SDK2: variants seen among roughly 807,000 people sequenced by gnomAD.
The protein encoded by SDK2 is sidekick cell adhesion molecule 2.
In SDK2, 105 loss-of-function variants were observed where a neutral mutation model predicts 253.9. That is an observed-to-expected ratio of 0.41 (90% CI 0.35 to 0.49). The LOEUF (loss-of-function observed/expected upper bound fraction) is 0.49, where lower values mean the gene tolerates loss of function less well. Ranked by LOEUF, SDK2 falls within the 20% of genes least tolerant of loss-of-function variation. The probability of loss-of-function intolerance (pLI) is 0.06; values close to 1 mark genes in which losing one functional copy is unlikely to be tolerated. For missense variants in SDK2, 2,608 were observed against 3,003.0 expected, an observed-to-expected ratio of 0.87 and a Z score of 3.07; for synonymous variants, 1,249 against 1,234.9, an observed-to-expected ratio of 1.01 and a Z score of -0.24.
At chr17:73,378,244 G>A (rs951696719) in intron 36 of SDK2, among the ~76,000 whole-genome samples, 4 of 151,664 alleles carry the variant, frequency 2.6e-5, no homozygotes, top group East Asian at 1.9e-4. Flanking sequence ...GACTATAGGC[G>A]CATGCCACCA....
rs562196758 is a variant in SDK2, at chr17:73,441,957, G to A, written c.614-1034C>T. On this transcript the variant is annotated intron_variant, in intron 5 of 44. Coordinates refer to ENST00000392650, the MANE Select transcript of SDK2 (RefSeq NM_001144952.2). ...CCGGGCCTCATGAGGGCCAATGAGGGTCCCAAGGAAAAAGAAAAATGTTCT... is the reference window on the plus strand; with the variant it reads ...CCGGGCCTCATGAGGGCCAATGAGGATCCCAAGGAAAAAGAAAAATGTTCT... 3.3e-5 allele frequency among the ~76,000 whole-genome samples: 5 copies of A among 152,288 alleles called. No individual in the cohort carries two copies. In the South Asian group the frequency reaches 8.3e-4, roughly 25 times the overall value.
chr17:73,350,906 C>T, intron 41 of SDK2, 116 bp from the exon 42 acceptor site: 1 of 1,102,978 alleles, frequency 9.1e-7, no homozygotes, highest in Non-Finnish European at 1.3e-6. Context: ...GGGTCTGTAC[C>T]CTCCGAATGA....
At chr17:73,574,661 C>G (rs1177211797) in intron 1 of SDK2, among the ~76,000 whole-genome samples, 1 of 152,202 alleles carries the variant, frequency 6.6e-6, no homozygotes, top group Non-Finnish European at 1.5e-5. Flanking sequence ...CCCTTCGGAA[C>G]CAAGGCAAGC....
intron 1 of SDK2, among the ~76,000 whole-genome samples, chr17:73,606,562 T>C (rs1264847423): frequency 1.3e-5 from 2 of 152,160 alleles, no homozygotes; most frequent in Non-Finnish European, 2.9e-5. Context: ...GGTTTCACCG[T>C]TTCTACTCCA....
chr17:73,337,009 GTGGC>G lies in SDK2; in HGVS notation c.*1574_*1577del, dbSNP rs2062384709. 1 of 152,372 alleles carries G rather than the reference GTGGC, an allele frequency of 6.6e-6. No homozygotes were observed. 9.4% of individuals were successfully genotyped at this position (152,372 alleles called of 1,614,324 possible). On this transcript the variant is annotated 3_prime_UTR_variant, in exon 45 of 45. Transcript: ENST00000392650. ...GACGGGAAGATCCTGGCCACTGGAT[GTGGC>G]TTTTTGCAGAACACTCCTTGGAGCA...
At chr17:73,396,936 A>C (rs572107634) in intron 24 of SDK2, among the ~76,000 whole-genome samples, 2 of 152,348 alleles carry the variant, frequency 1.3e-5, no homozygotes, top group African/African-American at 4.8e-5. Context: ...AGGGAACTGC[A>C]ATCAATAACT....
chr17:73,549,984 T>C (rs9916004), intron 1 of SDK2, among the ~76,000 whole-genome samples: 31,094 of 151,858 alleles, frequency 0.2, 3,966 homozygotes, highest in African/African-American at 0.36. Flanking sequence ...CGGGGGTGCA[T>C]AGAGGCAGAT....
intron 1 of SDK2, among the ~76,000 whole-genome samples, chr17:73,604,230 A>G (rs537569518): frequency 6.6e-5 from 10 of 152,352 alleles, no homozygotes; most frequent in Non-Finnish European, 1.0e-4. Flanking sequence ...GCCTGTCCAG[A>G]GGAGCGGACC....
intron 2 of SDK2, among the ~76,000 whole-genome samples, chr17:73,472,495 C>T (rs896649243): frequency 6.6e-6 from 1 of 152,196 alleles, no homozygotes; most frequent in Admixed American, 6.5e-5. Flanking sequence ...AATCCTTGAC[C>T]CTGACCCTAA....
intron 39 of SDK2, among the ~76,000 whole-genome samples, chr17:73,359,227 AC>A: frequency 6.6e-6 from 1 of 151,906 alleles, no homozygotes; most frequent in East Asian, 1.9e-4. Context: ...CTAGCATCAC[AC>A]TGATGCTCCC....
chr17:73,414,541 C>T, intron 18 of SDK2, 103 bp downstream of exon 18: 1 of 872,218 alleles, frequency 1.1e-6, no homozygotes, highest in Non-Finnish European at 1.9e-6. Context: ...CCAATGACTT[C>T]AGAAACAGAG....
chr17:73,615,801 CAAAT>C (rs1335739966), intron 1 of SDK2, among the ~76,000 whole-genome samples: 2 of 152,154 alleles, frequency 1.3e-5, no homozygotes, highest in African/African-American at 4.8e-5. Flanking sequence ...TACATGCGCA[CAAAT>C]ATATACACAC....
intron 2 of SDK2, among the ~76,000 whole-genome samples, chr17:73,480,504 C>G (rs2063714854): frequency 6.6e-6 from 1 of 152,162 alleles, no homozygotes; most frequent in South Asian, 2.1e-4. Context: ...GAAGGAGAGG[C>G]TCAGGCATGG....
At chr17:73,607,058 T>G (rs568482922) in intron 1 of SDK2, among the ~76,000 whole-genome samples, 1 of 152,318 alleles carries the variant, frequency 6.6e-6, no homozygotes, top group Admixed American at 6.5e-5. Flanking sequence ...CCCTCATTCA[T>G]TCCTACCCCT....
At chr17:73,388,750 CTCCT>C (rs1270914728) in intron 29 of SDK2, among the ~76,000 whole-genome samples, 11 of 92,232 alleles carry the variant, frequency 1.2e-4, no homozygotes, top group East Asian at 5.3e-4. Flanking sequence ...CCTTCCCTCC[CTCCT>C]TCCTTCCTTC....
At chr17:73,438,354 C>A (rs72844131) in intron 6 of SDK2, among the ~76,000 whole-genome samples, 200 bp from the exon 7 acceptor site, 12,798 of 152,216 alleles carry the variant, frequency 0.084, 820 homozygotes, top group Admixed American at 0.22. Context: ...ATAAAGTGGG[C>A]GCATCTGTGC....
chr17:73,500,518 C>A (rs1184279776), intron 2 of SDK2, among the ~76,000 whole-genome samples: 2 of 147,344 alleles, frequency 1.4e-5, no homozygotes, highest in African/African-American at 5.0e-5. Flanking sequence ...TTCTGTTCTC[C>A]TTCATCCTCC....
intron 1 of SDK2, among the ~76,000 whole-genome samples, chr17:73,589,621 C>T (rs768094498): frequency 5.3e-5 from 8 of 152,226 alleles, no homozygotes; most frequent in Non-Finnish European, 1.2e-4. Flanking sequence ...GAAGCTCAGA[C>T]AGGCACTCTG....
intron 12 of SDK2, 47 bp from the exon 13 acceptor site, chr17:73,424,139 T>G: frequency 2.0e-6 from 3 of 1,529,324 alleles, no homozygotes; most frequent in Non-Finnish European, 2.7e-6. Flanking sequence ...GGAAGGTACC[T>G]TGGGAGTGGG....
Sources: allele counts gnomAD v4.1 joint callset (sites outside exome capture counted in the v4.1 genomes callset), GRCh38; gene constraint gnomAD v4.1.1; transcripts MANE v1.5; gene names NCBI Gene and HGNC (gene_info 2026-07-23, HGNC 2026-07-21).